TXNDC9: variants seen among roughly 807,000 people sequenced by gnomAD.
TXNDC9 encodes thioredoxin domain containing 9.
In TXNDC9, 7 loss-of-function variants were observed where a neutral mutation model predicts 23.0. That is an observed-to-expected ratio of 0.30 (90% CI 0.17 to 0.57). TXNDC9 has a LOEUF of 0.57. Among genes scored for constraint, TXNDC9 ranks in the 20% least tolerant of loss-of-function variants. The probability of loss-of-function intolerance (pLI) is 0.90; values close to 1 mark genes in which losing one functional copy is unlikely to be tolerated. For synonymous variants in TXNDC9, 72 were observed against 90.6 expected (o/e 0.79, Z 1.17); for missense variants, 198 against 252.6 (o/e 0.78, Z 1.47).
At chr2:99,335,608 C>G (rs2094237224) in intron 1 of TXNDC9, among the ~76,000 whole-genome samples, 1 of 152,144 alleles carries the variant, frequency 6.6e-6, no homozygotes, top group Non-Finnish European at 1.5e-5. Flanking sequence ...AGGACTGTGA[C>G]CCTCAGTGAG....
At chr2:99,324,400 CAT>C (rs755081402) in intron 3 of TXNDC9, among the ~76,000 whole-genome samples, 21 of 152,200 alleles carry the variant, frequency 1.4e-4, no homozygotes, top group African/African-American at 2.6e-4. Flanking sequence ...TATGTTTTTT[CAT>C]ATGTTACTCA....
downstream of TXNDC9, among the ~76,000 whole-genome samples, chr2:99,317,950 G>C (rs954576690): frequency 2.0e-5 from 3 of 152,228 alleles, no homozygotes; most frequent in Non-Finnish European, 4.4e-5. Flanking sequence ...GGGTGGAGTG[G>C]TGTGATCTTG....
intron 2 of TXNDC9, among the ~76,000 whole-genome samples, chr2:99,329,301 T>A (rs72954287): frequency 0.15 from 22,407 of 152,234 alleles, 1,816 homozygotes; most frequent in East Asian, 0.26. Context: ...CCAGTTCCTT[T>A]TAACTGTTCT....
At chr2:99,314,535 T>TTTTTTTTG (rs1348166452), downstream of TXNDC9, among the ~76,000 whole-genome samples, 1 of 137,116 alleles carries the variant, frequency 7.3e-6, no homozygotes, top group Admixed American at 7.7e-5. Context: ...ACACCTTTTT[T>TTTTTTTTG]TTTTTTTTTT....
Position 99,319,749 on chromosome 2 carries a change from T to A in TXNDC9, c.614A>T (p.Asn205Ile). The change falls in exon 5 of 5, where the codon AAC becomes ATC. Residue 205 changes from asparagine to isoleucine, a missense_variant. Physicochemically the swap from Asn to Ile is moderately radical, Grantham distance 149. Transcript: ENST00000264255. ...PFQNQKKFGT[N>I]FTKLEKKTIR... ...AGTTTTCTTTTCCAGCTTTGTGAAG[T>A]TTGTTCCAAATTTCTTTTGGTTCTG... is the stretch of plus-strand genomic sequence containing the variant. The A allele has an allele frequency of 1.2e-6, 2 of 1,604,896 alleles. No homozygotes were observed. The highest frequency in any genetic ancestry group is 1.7e-6 in the Non-Finnish European group (2 of 1,177,658).
chr2:99,336,206 T>C (rs2094239990), intron 1 of TXNDC9, 33 bp downstream of exon 1: 1 of 985,064 alleles, frequency 1.0e-6, no homozygotes, highest in Non-Finnish European at 1.2e-6. Flanking sequence ...CCGGACGTGG[T>C]GGTCGGATTC....
chr2:99,309,156 T>C, the TXNDC9 span, among the ~76,000 whole-genome samples: 1 of 152,038 alleles, frequency 6.6e-6, no homozygotes, highest in African/African-American at 2.4e-5. Flanking sequence ...GTGGATTGCT[T>C]GAGCCCTAGA....
At chr2:99,332,918 C>T (rs1397419320) in intron 2 of TXNDC9, 104 bp downstream of exon 2, 3 of 999,624 alleles carry the variant, frequency 3.0e-6, no homozygotes, top group South Asian at 1.6e-5. Context: ...ATTTTAAAAA[C>T]CCTAAACACA....
At chr2:99,322,460 T>TA in intron 3 of TXNDC9, 2 of 1,308,716 alleles carry the variant, frequency 1.5e-6, no homozygotes, top group Non-Finnish European at 2.0e-6. Context: ...TTTAAAATAT[T>TA]AAATATATGC....
the TXNDC9 span, among the ~76,000 whole-genome samples, chr2:99,309,777 C>G: frequency 6.6e-6 from 1 of 152,122 alleles, no homozygotes; most frequent in Non-Finnish European, 1.5e-5. Flanking sequence ...ACTTCTACCT[C>G]CCAGGTTCAA....
chr2:99,313,961 A>AT, the TXNDC9 span, among the ~76,000 whole-genome samples: 1 of 152,150 alleles, frequency 6.6e-6, no homozygotes, highest in Non-Finnish European at 1.5e-5. Flanking sequence ...TTTAGTATAT[A>AT]TTTTTTCAAT....
intron 2 of TXNDC9, among the ~76,000 whole-genome samples, chr2:99,329,282 T>C (rs2094219731): frequency 6.6e-6 from 1 of 152,222 alleles, no homozygotes; most frequent in East Asian, 1.9e-4. Flanking sequence ...TTCTCCACAC[T>C]GAACACTTCC....
intron 3 of TXNDC9, chr2:99,322,592 T>C (rs1217659836): frequency 1.3e-6 from 2 of 1,537,056 alleles, no homozygotes; most frequent in Non-Finnish European, 1.7e-6. Flanking sequence ...GGTGCCATAT[T>C]TGGAAGTCAT....
At chr2:99,309,067 A>G in the TXNDC9 span, among the ~76,000 whole-genome samples, 1 of 152,096 alleles carries the variant, frequency 6.6e-6, no homozygotes, top group South Asian at 2.1e-4. Flanking sequence ...ATTAAAAAGT[A>G]CAAATAATAA....
intron 3 of TXNDC9, among the ~76,000 whole-genome samples, chr2:99,324,801 A>G (rs994768146): frequency 1.3e-5 from 2 of 152,248 alleles, no homozygotes; most frequent in Non-Finnish European, 2.9e-5. Context: ...GCTGGAGTGC[A>G]GTGGCACGAT....
chr2:99,307,950 G>A, the TXNDC9 span, among the ~76,000 whole-genome samples: 45 of 152,082 alleles, frequency 3.0e-4, no homozygotes, highest in East Asian at 7.7e-4. Context: ...TTCTATAACA[G>A]TCTTATTTTC....
At chr2:99,332,400 A>G (rs1381213653) in intron 2 of TXNDC9, among the ~76,000 whole-genome samples, 4 of 152,134 alleles carry the variant, frequency 2.6e-5, no homozygotes, top group Non-Finnish European at 5.9e-5. Flanking sequence ...TTGAGATGAC[A>G]CCACTGTACT....
downstream of TXNDC9, among the ~76,000 whole-genome samples, chr2:99,318,415 C>G (rs904992581): frequency 6.6e-6 from 1 of 152,092 alleles, no homozygotes; most frequent in African/African-American, 2.4e-5. Context: ...ACCTTGTGAT[C>G]CACCCACCTC....
intron 3 of TXNDC9, among the ~76,000 whole-genome samples, chr2:99,326,780 T>C (rs2094213554): frequency 6.6e-6 from 1 of 152,134 alleles, no homozygotes; most frequent in Middle Eastern, 3.2e-3. Flanking sequence ...CAAGCCACCA[T>C]CTCCCCACCA....
Sources: gnomAD v4.1 joint callset for allele counts (sites outside exome capture counted in the v4.1 genomes callset) on GRCh38, gnomAD v4.1.1 for gene constraint, MANE v1.5 for transcripts, NCBI Gene and HGNC (gene_info 2026-07-23, HGNC 2026-07-21) for gene names.